SPAG16: variants seen among roughly 807,000 people sequenced by gnomAD.
SPAG16 encodes the protein sperm associated antigen 16.
Under a neutral mutation model 80.4 loss-of-function variants are expected in SPAG16, and 86 were observed. The observed-to-expected ratio is 1.07, with a 90% CI of 0.90 to 1.28. The LOEUF (loss-of-function observed/expected upper bound fraction) is 1.28. SPAG16 is among the 50% of genes most tolerant of loss of function. The pLI is 0.00. For missense variants in SPAG16, 870 were observed against 765.3 expected, an observed-to-expected ratio of 1.14 and a Z score of -1.61; for synonymous variants, 294 against 265.9, an observed-to-expected ratio of 1.11 and a Z score of -1.03.
At chr2:214,105,947 C>T (rs1428565682) in intron 13 of SPAG16, among the ~76,000 whole-genome samples, 2 of 152,082 alleles carry the variant, frequency 1.3e-5, no homozygotes, top group Non-Finnish European at 2.9e-5. Flanking sequence ...TGTGGTCCGT[C>T]AGCATTTCCT....
intron 15 of SPAG16, among the ~76,000 whole-genome samples, chr2:214,396,823 G>C (rs1258476131): frequency 1.3e-5 from 2 of 151,552 alleles, no homozygotes; most frequent in Admixed American, 1.3e-4. Flanking sequence ...ACTTTTTATA[G>C]ATCTACATCA....
chr2:213,379,111 T>C (rs577559848), intron 9 of SPAG16, among the ~76,000 whole-genome samples: 3 of 152,282 alleles, frequency 2.0e-5, no homozygotes, highest in Admixed American at 6.5e-5. Flanking sequence ...GCAGCGTTCC[T>C]CCCTCTGGAA....
chr2:214,410,466 C>T lies in SPAG16; in HGVS notation c.*151C>T, dbSNP rs193164929. On this transcript the variant is annotated 3_prime_UTR_variant, in exon 16 of 16. Coordinates refer to ENST00000331683, the MANE Select transcript of SPAG16 (RefSeq NM_024532.5). ...TGCTTTGGACATATATTTTAGTGCT[C>T]ATACTGTTACTAATAAAAAAATAAC... is the stretch of plus-strand genomic sequence containing the variant. The T allele has an allele frequency of 6.5e-4, 372 of 575,818 alleles. 1 individual carries two copies. In the East Asian group the frequency reaches 0.01, roughly 16 times the overall value. 35.7% of individuals were successfully genotyped at this position (575,818 alleles called of 1,614,324 possible).
intron 9 of SPAG16, among the ~76,000 whole-genome samples, chr2:213,458,505 G>T (rs1209675282): frequency 6.6e-6 from 1 of 152,162 alleles, no homozygotes; most frequent in African/African-American, 2.4e-5. Context: ...CCAGGAGGCG[G>T]ACGTGGCAGT....
intron 11 of SPAG16, among the ~76,000 whole-genome samples, chr2:213,919,506 A>G (rs1451820149): frequency 6.6e-6 from 1 of 152,210 alleles, no homozygotes; most frequent in Non-Finnish European, 1.5e-5. Context: ...ATTAGTTTCA[A>G]ATAACTTCTT....
At chr2:214,085,275 G>C (rs766845415) in intron 13 of SPAG16, among the ~76,000 whole-genome samples, 4 of 151,884 alleles carry the variant, frequency 2.6e-5, no homozygotes, top group Non-Finnish European at 5.9e-5. Flanking sequence ...GAGAGGCTGA[G>C]GCGGGAGAAT....
intron 9 of SPAG16, among the ~76,000 whole-genome samples, chr2:213,463,868 C>G (rs961682403): frequency 3.9e-5 from 6 of 152,310 alleles, no homozygotes; most frequent in African/African-American, 7.2e-5. Context: ...CCAGCAGCTT[C>G]TTCACTCCCA....
intron 14 of SPAG16, among the ~76,000 whole-genome samples, chr2:214,131,096 A>T (rs1488719160): frequency 6.6e-6 from 1 of 152,114 alleles, no homozygotes; most frequent in Admixed American, 6.6e-5. Flanking sequence ...GTCGTGGGAG[A>T]TTCAAACAAG....
chr2:213,711,215 C>T lies in SPAG16; in HGVS notation c.1071-151270C>T, dbSNP rs144503538. On this transcript the variant is annotated intron_variant, in intron 10 of 15. Transcript: ENST00000331683. ...AATTTTCAAGTTTATGTACTTTCCT[C>T]TCAGTTATCAGATGGTGACTTTTGG... Among the ~76,000 whole-genome samples the T allele has an allele frequency of 3.7e-3, 561 of 152,166 alleles. 2 individuals are homozygous for T. The highest frequency in any genetic ancestry group is 0.013 in the African/African-American group (547 of 41,502).
intron 10 of SPAG16, among the ~76,000 whole-genome samples, chr2:213,768,079 A>T (rs1263796713): frequency 6.6e-6 from 1 of 152,182 alleles, no homozygotes; most frequent in Non-Finnish European, 1.5e-5. Flanking sequence ...AAAGAAAATA[A>T]AAAAGGAGGC....
At chr2:214,173,506 T>C (rs976117930) in intron 15 of SPAG16, among the ~76,000 whole-genome samples, 2 of 152,138 alleles carry the variant, frequency 1.3e-5, no homozygotes, top group Admixed American at 6.6e-5. Flanking sequence ...TGTAGCCTTG[T>C]AGTATAGTAT....
chr2:213,380,893 T>G (rs946050631), intron 9 of SPAG16, among the ~76,000 whole-genome samples: 1 of 152,190 alleles, frequency 6.6e-6, no homozygotes, highest in African/African-American at 2.4e-5. Flanking sequence ...TTCGGGTCAC[T>G]CGATAAATGG....
chr2:213,835,388 G>A lies in SPAG16; in HGVS notation c.1071-27097G>A, dbSNP rs1408140464. 6.6e-5 allele frequency among the ~76,000 whole-genome samples: 10 copies of A among 152,220 alleles called. No homozygotes were observed. In the South Asian group the frequency reaches 1.7e-3, roughly 25 times the overall value. On this transcript the variant is annotated intron_variant, in intron 10 of 15. Transcript: ENST00000331683. ...AAATGTTAAATCACAATCCCACACT[G>A]CGAGCTTGTCTCATAATTATTCTTT...
chr2:213,833,496 T>C (rs1317406172), intron 10 of SPAG16, among the ~76,000 whole-genome samples: 1 of 1,146 alleles, frequency 8.7e-4, no homozygotes, highest in Admixed American at 0.036. Context: ...TTATATATAA[T>C]ATATATATTA....
intron 9 of SPAG16, among the ~76,000 whole-genome samples, chr2:213,428,585 A>C (rs1249281747): frequency 1.3e-5 from 2 of 152,116 alleles, no homozygotes; most frequent in Non-Finnish European, 2.9e-5. Context: ...TGAGTGTGGC[A>C]TTTGCTCCAG....
Position 213,817,256 on chromosome 2 carries a change from G to GATAT in SPAG16, c.1071-45214_1071-45211dup, listed in dbSNP as rs549146369. Among the ~76,000 whole-genome samples, 722 of 140,848 alleles carry GATAT rather than the reference G, an allele frequency of 5.1e-3. 5 individuals are homozygous for GATAT. The highest frequency in any genetic ancestry group is 0.013 in the African/African-American group (507 of 38,554). 92.4% of individuals were successfully genotyped at this position (140,848 alleles called of 152,430 possible). A position where few individuals can be genotyped will look rare whatever the true frequency, so the allele number is the denominator to read the frequency against. ...CTTATATATATATACTTATATATATGATATATATATATATATATCACAGTC... is the reference window on the plus strand; with the variant it reads ...CTTATATATATATACTTATATATATGATATATATATATATATATATATCACAGTC... On this transcript the variant is annotated intron_variant, in intron 10 of 15. Coordinates refer to ENST00000331683, the MANE Select transcript of SPAG16 (RefSeq NM_024532.5).
intron 10 of SPAG16, among the ~76,000 whole-genome samples, chr2:213,526,855 G>A (rs1162882863): frequency 6.6e-6 from 1 of 152,172 alleles, no homozygotes; most frequent in African/African-American, 2.4e-5. Flanking sequence ...TGTGTGTGGG[G>A]TTGTCAAGAA....
At chr2:213,591,674 T>A (rs754085814) in intron 10 of SPAG16, among the ~76,000 whole-genome samples, 1 of 152,022 alleles carries the variant, frequency 6.6e-6, no homozygotes, top group Non-Finnish European at 1.5e-5. Flanking sequence ...ACTCCAAATA[T>A]AACAAGGAAA....
intron 10 of SPAG16, among the ~76,000 whole-genome samples, chr2:213,643,748 G>A (rs2062712900): frequency 8.2e-6 from 1 of 122,546 alleles, no homozygotes; most frequent in Non-Finnish European, 1.7e-5. Flanking sequence ...CAAATAGCCT[G>A]TCTTCAAGCT....
Sources: gnomAD v4.1 joint callset for allele counts (sites outside exome capture counted in the v4.1 genomes callset) on GRCh38, gnomAD v4.1.1 for gene constraint, MANE v1.5 for transcripts, NCBI Gene and HGNC (gene_info 2026-07-23, HGNC 2026-07-21) for gene names.